The following ZNF384 variants were observed in gnomAD, a reference collection of about 807,000 sequenced individuals.
The protein encoded by ZNF384 is CAG repeat protein 1.
A neutral mutation model predicts 65.0 loss-of-function variants in ZNF384; 20 were observed. That is an observed-to-expected ratio of 0.31 (90% CI 0.22 to 0.45). The LOEUF (loss-of-function observed/expected upper bound fraction) is 0.45. ZNF384 is among the 20% of genes least tolerant of loss of function. The probability of loss-of-function intolerance (pLI) is 1.00; values close to 1 mark genes in which losing one functional copy is unlikely to be tolerated. For synonymous variants in ZNF384, 310 were observed against 303.9 expected, an observed-to-expected ratio of 1.02 and a Z score of -0.21; for missense variants, 549 against 769.4, an observed-to-expected ratio of 0.71 and a Z score of 3.39.
chr12:6,687,537 T>C (rs1958371974), intron 2 of ZNF384, among the ~76,000 whole-genome samples: 1 of 152,158 alleles, frequency 6.6e-6, no homozygotes, highest in African/African-American at 2.4e-5. Context: ...ACTCTTTAGG[T>C]CCACTCACTG....
At position 6,672,325 on chromosome 12, in the gene ZNF384, T is replaced by A. The variant is rs991677682; in HGVS notation, c.1187+25A>T. On this transcript the variant is annotated intron_variant, in intron 9 of 11. Coordinates refer to ENST00000683879, the MANE Select transcript of ZNF384 (RefSeq NM_001385745.1). The surrounding 1 kb of genome is among the most constrained non-coding windows in gnomAD (Gnocchi z 4.4). ...GGGAGGGCATGCCAGCGGGGCGGGGTCAGTAGCCCGCCACTCTCCCTTACC... is the reference window on the plus strand; with the variant it reads ...GGGAGGGCATGCCAGCGGGGCGGGGACAGTAGCCCGCCACTCTCCCTTACC... 6.2e-7 allele frequency: 1 copy of A among 1,600,984 alleles called. No individual in the cohort carries two copies. The highest frequency in any genetic ancestry group is 2.2e-5 in the East Asian group (1 of 44,538).
At chr12:6,680,132 C>A (rs191053743) in intron 2 of ZNF384, among the ~76,000 whole-genome samples, 88 of 152,306 alleles carry the variant, frequency 5.8e-4, no homozygotes, top group Non-Finnish European at 9.1e-4. Flanking sequence ...AGACTAATTT[C>A]TTTTTTCTTT....
In ZNF384 at chr12:6,672,433, A is replaced by G; in HGVS notation, c.1104T>C (p.Arg368=). The part of the protein sequence containing the change: ...ANTSYLAQHL[R]IHSGAKPYNC... ...TGTAGGGCTTGGCCCCCGAGTGGAT[A>G]CGGAGGTGCTGGGCCAGGTAGGAGG... The change falls in exon 9 of 12, where the codon CGT becomes CGC. Residue 368 remains arginine (R), a synonymous_variant. Coordinates refer to ENST00000683879, the MANE Select transcript of ZNF384 (RefSeq NM_001385745.1). The surrounding 1 kb of genome is among the most constrained non-coding windows in gnomAD (Gnocchi z 4.4). 2.5e-6 allele frequency: 4 copies of G among 1,614,156 alleles called. No individual in the cohort carries two copies. Among genetic ancestry groups the G allele is most frequent in the Non-Finnish European group, 3.4e-6 (4 of 1,180,004 alleles).
chr12:6,673,589 T>C lies in ZNF384; in HGVS notation c.780-149A>G, dbSNP rs1299353279. ...GCTCTATATATTCATCTTTATGGCC[T>C]AAGCTTCTAACATGGTGCCCAGCAC... is the stretch of plus-strand genomic sequence containing the variant. On this transcript the variant is annotated intron_variant, in intron 7 of 11. Coordinates refer to ENST00000683879, the MANE Select transcript of ZNF384 (RefSeq NM_001385745.1). This position sits in a 1 kb window ranked among gnomAD's most constrained non-coding sequence, Gnocchi z 4.7. The C allele has an allele frequency of 4.7e-6, 3 of 634,846 alleles. No individual in the cohort carries two copies. Among genetic ancestry groups the C allele is most frequent in the African/African-American group, 1.8e-5 (1 of 54,380 alleles). The allele number at this position is 634,846 out of a possible 1,614,324, so 39.3% of individuals were successfully genotyped here. A position where few individuals can be genotyped will look rare whatever the true frequency, so the allele number is the denominator to read the frequency against.
chr12:6,669,103 C>G lies in ZNF384; in HGVS notation c.1353G>C (p.Val451=). Residue 451 remains valine (V), a synonymous_variant, in exon 11 of 12, where the codon GTG becomes GTC. Coordinates refer to ENST00000683879, the MANE Select transcript of ZNF384 (RefSeq NM_001385745.1). ...RAYTDAASLE[V]HLSTHTVKHA... is the part of the protein sequence containing the mutation. The stretch of plus-strand genomic sequence containing the variant: ...GCTTCACTGTGTGCGTAGACAGGTG[C>G]ACCTCTAGTGAGGCTGCATCCGTGT... 1 of 1,614,096 alleles carries G rather than the reference C, an allele frequency of 6.2e-7. No individual in the cohort carries two copies. Among genetic ancestry groups the G allele is most frequent in the Non-Finnish European group, 8.5e-7 (1 of 1,179,964 alleles).
At position 6,678,493 on chromosome 12, in the gene ZNF384, G is replaced by T; in HGVS notation, c.353-33C>A. On this transcript the variant is annotated intron_variant, in intron 5 of 11. Transcript: ENST00000683879. The surrounding 1 kb of genome is among the most constrained non-coding windows in gnomAD (Gnocchi z 4.9). ...TGGGAGAAAAAGGAGATGGCGTCAT[G>T]TTGTTCAGTCCTGATCCTAATCCTA... 6.4e-7 allele frequency: 1 copy of T among 1,558,376 alleles called. No homozygotes were observed. Among genetic ancestry groups the T allele is most frequent in the Non-Finnish European group, 8.7e-7 (1 of 1,146,008 alleles).
Position 6,684,854 on chromosome 12 carries a change from C to T in ZNF384, c.-6+3313G>A, listed in dbSNP as rs549419415. 1.8e-4 allele frequency among the ~76,000 whole-genome samples: 27 copies of T among 152,274 alleles called. No homozygotes were observed. The South Asian group carries it at 3.3e-3, about 19-fold the overall frequency. ...AATGGCGCCCCCTAGAGTTGTGTAA[C>T]AGGGCGTTCTGGGGCCAGATCACTC... On this transcript the variant is annotated intron_variant, in intron 2 of 11. Coordinates refer to ENST00000683879, the MANE Select transcript of ZNF384 (RefSeq NM_001385745.1).
intron 2 of ZNF384, 141 bp from the exon 3 acceptor site, chr12:6,679,666 C>T (rs1955160147): frequency 1.9e-5 from 12 of 644,396 alleles, no homozygotes. Context: ...GACTTAGTGT[C>T]TAGCACATTA....
Position 6,672,228 on chromosome 12 carries a change from G to C in ZNF384, c.1187+122C>G. 9.3e-7 allele frequency: 1 copy of C among 1,075,946 alleles called. No individual in the cohort carries two copies. Among genetic ancestry groups the C allele is most frequent in the Non-Finnish European group, 1.3e-6 (1 of 763,766 alleles). 66.6% of individuals were successfully genotyped at this position (1,075,946 alleles called of 1,614,324 possible). A position where few individuals can be genotyped will look rare whatever the true frequency, so the allele number is the denominator to read the frequency against. ...TCTTCCTTCTCCCAGATGCCAGCCA[G>C]GTCTCTCCTCCAGCCAGGTCTCTCC... On this transcript the variant is annotated intron_variant, in intron 9 of 11. Coordinates refer to ENST00000683879, the MANE Select transcript of ZNF384 (RefSeq NM_001385745.1). This position sits in a 1 kb window ranked among gnomAD's most constrained non-coding sequence, Gnocchi z 4.4.
chr12:6,682,702 CA>C (rs1241088751), intron 2 of ZNF384, among the ~76,000 whole-genome samples: 2 of 152,150 alleles, frequency 1.3e-5, no homozygotes, highest in East Asian at 3.8e-4. Flanking sequence ...GCAACAGAAT[CA>C]AGATACAATC....
Position 6,668,128 on chromosome 12 carries a change from G to A in ZNF384, c.1426-13C>T. 2 of 1,557,114 alleles carry A rather than the reference G, an allele frequency of 1.3e-6. No homozygotes were observed. The highest frequency in any genetic ancestry group is 1.7e-6 in the Non-Finnish European group (2 of 1,151,986). On this transcript the variant is annotated splice_polypyrimidine_tract_variant and intron_variant, in intron 11 of 11. Coordinates refer to ENST00000683879, the MANE Select transcript of ZNF384 (RefSeq NM_001385745.1). ...TAAGGTATGTTTCCTGAGGGAGATG[G>A]TAAAAAGAAGTTGAGGGATAAAGAG...
chr12:6,675,989 G>C (rs1221682892), intron 7 of ZNF384, among the ~76,000 whole-genome samples: 1 of 152,110 alleles, frequency 6.6e-6, no homozygotes, highest in Non-Finnish European at 1.5e-5. Context: ...CATCAAAACA[G>C]AAATTCACTG....
chr12:6,676,290 G>C (rs1254088458), intron 7 of ZNF384, among the ~76,000 whole-genome samples: 4 of 151,754 alleles, frequency 2.6e-5, no homozygotes, highest in Non-Finnish European at 5.9e-5. Flanking sequence ...GACAGAGCGA[G>C]ACTCCGTCTC....
In ZNF384 at chr12:6,667,922, TGC is replaced by T. The variant is rs1212206226; in HGVS notation, c.1617_1618del (p.Gln540AlafsTer38). 4 of 1,608,416 alleles carry T rather than the reference TGC, an allele frequency of 2.5e-6. No individual in the cohort carries two copies. In the African/African-American group the frequency reaches 4.0e-5, roughly 16 times the overall value. ...TGGCTGTTGCTGCTGCTGCTGCTGC[TGC>T]TGCTGCTGCTGCTGCTGCTGCTGTG... On this transcript the variant is annotated frameshift_variant, in exon 12 of 12. Coordinates refer to ENST00000683879, the MANE Select transcript of ZNF384 (RefSeq NM_001385745.1). LOFTEE classifies it high-confidence loss of function.
chr12:6,668,563 C>G (rs1380200102), intron 11 of ZNF384, among the ~76,000 whole-genome samples: 4 of 151,914 alleles, frequency 2.6e-5, no homozygotes, highest in Admixed American at 1.3e-4. Context: ...AGTTGCTGGG[C>G]ATGGCAACAT....
chr12:6,673,123 A>G lies in ZNF384; in HGVS notation c.1004+93T>C. 8.4e-7 allele frequency: 1 copy of G among 1,184,684 alleles called. No individual in the cohort carries two copies. Among genetic ancestry groups the G allele is most frequent in the Admixed American group, 2.3e-5 (1 of 44,080 alleles). The allele number at this position is 1,184,684 out of a possible 1,614,324, so 73.4% of individuals were successfully genotyped here. A position where few individuals can be genotyped will look rare whatever the true frequency, so the allele number is the denominator to read the frequency against. ...CTACCAATGGGCAAAGGTGAAAGGG[A>G]AAGAATAATACATGTGGAGAGAGGA... On this transcript the variant is annotated intron_variant, in intron 8 of 11. Coordinates refer to ENST00000683879, the MANE Select transcript of ZNF384 (RefSeq NM_001385745.1). This position sits in a 1 kb window ranked among gnomAD's most constrained non-coding sequence, Gnocchi z 4.7.
At chr12:6,670,622 C>G (rs915387943) in intron 10 of ZNF384, 138 bp downstream of exon 10, 6 of 742,234 alleles carry the variant, frequency 8.1e-6, no homozygotes, top group Non-Finnish European at 1.4e-5. Context: ...AGCTATTACC[C>G]ACATAAACAA....
At chr12:6,681,211 CAAAAAA>C (rs199629450) in intron 2 of ZNF384, among the ~76,000 whole-genome samples, 1 of 65,368 alleles carries the variant, frequency 1.5e-5, no homozygotes. Flanking sequence ...AACGCCATCT[CAAAAAA>C]AAAAAAAAAA....
chr12:6,677,906 A>T (rs955140945), intron 6 of ZNF384, among the ~76,000 whole-genome samples: 1 of 152,152 alleles, frequency 6.6e-6, no homozygotes, highest in Non-Finnish European at 1.5e-5. Flanking sequence ...CCCCAAAACA[A>T]GGGTTAAAAA....
Sources: allele counts gnomAD v4.1 joint callset (sites outside exome capture counted in the v4.1 genomes callset), GRCh38; gene constraint gnomAD v4.1.1; non-coding constraint Gnocchi (gnomAD v3.1); transcripts MANE v1.5; gene names NCBI Gene and HGNC (gene_info 2026-07-23, HGNC 2026-07-21).